The following PTPRR variants were observed in gnomAD, a reference collection of about 807,000 sequenced individuals.
The protein encoded by PTPRR is receptor-type tyrosine-protein phosphatase R.
In PTPRR, 38 loss-of-function variants were observed where a neutral mutation model predicts 77.2. The ratio of observed to expected loss-of-function variants is 0.49; its 90% CI spans 0.38 to 0.65. The LOEUF is 0.65. Among genes scored for constraint, PTPRR ranks in the 30% least tolerant of loss-of-function variants. The probability of loss-of-function intolerance (pLI) is 0.00; values close to 1 mark genes in which losing one functional copy is unlikely to be tolerated. For missense variants in PTPRR, 744 were observed against 799.2 expected (o/e 0.93, Z 0.83); for synonymous variants, 299 against 283.1 (o/e 1.06, Z -0.57).
chr12:70,806,529 C>A (rs1446399392), intron 2 of PTPRR, among the ~76,000 whole-genome samples: 1 of 152,054 alleles, frequency 6.6e-6, no homozygotes, highest in Non-Finnish European at 1.5e-5. Flanking sequence ...AAAGTTAAAC[C>A]ATTTGTCAAA....
chr12:70,738,077 A>G (rs769646686), intron 6 of PTPRR, among the ~76,000 whole-genome samples: 4 of 152,222 alleles, frequency 2.6e-5, no homozygotes, highest in Admixed American at 6.5e-5. Context: ...GTTTGAATGT[A>G]GAATGGTCAA....
At chr12:70,775,926 T>C (rs995971789) in intron 2 of PTPRR, among the ~76,000 whole-genome samples, 4 of 152,146 alleles carry the variant, frequency 2.6e-5, no homozygotes, top group Admixed American at 2.0e-4. Flanking sequence ...GTTAGAGACA[T>C]TTTATGCTTT....
chr12:70,694,363 T>A (rs1002222618), intron 8 of PTPRR, among the ~76,000 whole-genome samples: 4 of 152,132 alleles, frequency 2.6e-5, no homozygotes, highest in African/African-American at 9.7e-5. Context: ...ATTATTATAG[T>A]GCAGCACTAT....
At chr12:70,766,691 C>T (rs1380514079) in intron 2 of PTPRR, among the ~76,000 whole-genome samples, 1 of 151,192 alleles carries the variant, frequency 6.6e-6, no homozygotes, top group Non-Finnish European at 1.5e-5. Context: ...TCGAGAAGAG[C>T]AACTCCAAGA....
chr12:70,912,661 T>C (rs1893716741), intron 1 of PTPRR, among the ~76,000 whole-genome samples: 1 of 152,100 alleles, frequency 6.6e-6, no homozygotes, highest in Non-Finnish European at 1.5e-5. Flanking sequence ...GAGATTTGAT[T>C]ATGAGGAAAG....
intron 3 of PTPRR, among the ~76,000 whole-genome samples, chr12:70,762,690 G>A (rs1250222173): frequency 4.6e-5 from 7 of 152,090 alleles, no homozygotes; most frequent in Non-Finnish European, 8.8e-5. Context: ...TCAAAACACC[G>A]CTAAGCGATA....
chr12:70,742,199 G>T (rs577246909), intron 6 of PTPRR, among the ~76,000 whole-genome samples: 1 of 152,114 alleles, frequency 6.6e-6, no homozygotes, highest in African/African-American at 2.4e-5. Flanking sequence ...TCCTTAAAAC[G>T]TAGAGGAAAC....
intron 2 of PTPRR, among the ~76,000 whole-genome samples, chr12:70,793,314 G>C (rs1318647618): frequency 6.6e-6 from 1 of 152,132 alleles, no homozygotes; most frequent in Admixed American, 6.5e-5. Flanking sequence ...TTCTAAATAC[G>C]TGGGATCAGA....
At chr12:70,745,214 G>A (rs1359908943) in intron 6 of PTPRR, among the ~76,000 whole-genome samples, 3 of 152,146 alleles carry the variant, frequency 2.0e-5, no homozygotes, top group East Asian at 1.9e-4. Flanking sequence ...ACAGGCATGC[G>A]CCACCTCACC....
At chr12:70,798,576 C>T (rs1891556607) in intron 2 of PTPRR, among the ~76,000 whole-genome samples, 1 of 152,168 alleles carries the variant, frequency 6.6e-6, no homozygotes, top group African/African-American at 2.4e-5. Context: ...TCCAGTGCTC[C>T]AGCCACACTG....
intron 2 of PTPRR, among the ~76,000 whole-genome samples, chr12:70,845,642 C>T: frequency 6.6e-6 from 1 of 152,130 alleles, no homozygotes; most frequent in East Asian, 1.9e-4. Flanking sequence ...ATGACCTCAA[C>T]TGCATCATGA....
intron 1 of PTPRR, among the ~76,000 whole-genome samples, chr12:70,914,066 A>G (rs1431199898): frequency 1.3e-5 from 2 of 152,186 alleles, no homozygotes; most frequent in African/African-American, 2.4e-5. Flanking sequence ...ATCCAAAAAA[A>G]AGAAGATTCT....
At chr12:70,779,547 A>G (rs1370853964) in intron 2 of PTPRR, among the ~76,000 whole-genome samples, 7 of 152,162 alleles carry the variant, frequency 4.6e-5, no homozygotes, top group African/African-American at 1.7e-4. Flanking sequence ...TCCTCATAGC[A>G]TTTATCACTA....
At chr12:70,762,553 T>C (rs1341510287) in intron 3 of PTPRR, among the ~76,000 whole-genome samples, 1 of 152,232 alleles carries the variant, frequency 6.6e-6, no homozygotes, top group Non-Finnish European at 1.5e-5. Context: ...AATAACTAAA[T>C]ACTGATGTGA....
chr12:70,916,517 G>T (rs1243441268), intron 1 of PTPRR, among the ~76,000 whole-genome samples: 1 of 151,880 alleles, frequency 6.6e-6, no homozygotes. Context: ...TCTTTTGAGG[G>T]TGGTACTTCT....
chr12:70,655,651 A>G (rs1192631504), intron 13 of PTPRR, among the ~76,000 whole-genome samples: 4 of 152,352 alleles, frequency 2.6e-5, no homozygotes, highest in South Asian at 2.1e-4. Context: ...AAACAGACAA[A>G]TACTGTATGA....
chr12:70,811,556 A>C (rs983186811), intron 2 of PTPRR, among the ~76,000 whole-genome samples: 11 of 152,240 alleles, frequency 7.2e-5, no homozygotes, highest in Non-Finnish European at 1.3e-4. Flanking sequence ...CAGAAACCTT[A>C]GACCATCAAC....
At chr12:70,876,494 C>T (rs1439790114) in intron 2 of PTPRR, among the ~76,000 whole-genome samples, 2 of 152,122 alleles carry the variant, frequency 1.3e-5, no homozygotes, top group African/African-American at 4.8e-5. Flanking sequence ...GACTTTATAT[C>T]TAAAGACTGA....
chr12:70,739,377 C>T (rs367641281), intron 6 of PTPRR, among the ~76,000 whole-genome samples: 26 of 152,032 alleles, frequency 1.7e-4, no homozygotes, highest in African/African-American at 4.6e-4. Context: ...TTAATTAATC[C>T]GTTGAGCCAC....
Sources: gnomAD v4.1 joint callset for allele counts (sites outside exome capture counted in the v4.1 genomes callset) on GRCh38, gnomAD v4.1.1 for gene constraint, MANE v1.5 for transcripts, NCBI Gene and HGNC (gene_info 2026-07-23, HGNC 2026-07-21) for gene names.